AGBL1: variants seen among roughly 807,000 people sequenced by gnomAD.
AGBL1 encodes cytosolic carboxypeptidase 4.
In AGBL1, 130 loss-of-function variants were observed where a neutral mutation model predicts 118.9. The observed-to-expected ratio is 1.09, with a 90% confidence interval of 0.95 to 1.26. AGBL1 has a LOEUF of 1.26. Among genes scored for constraint, AGBL1 ranks in the 50% most tolerant of loss-of-function variants. The pLI is 0.00. For synonymous variants in AGBL1, 555 were observed against 478.9 expected, an observed-to-expected ratio of 1.16 and a Z score of -2.08; for missense variants, 1,584 against 1,298.1, an observed-to-expected ratio of 1.22 and a Z score of -3.38.
At chr15:86,837,846 C>A (rs569431116) in intron 22 of AGBL1, among the ~76,000 whole-genome samples, 1 of 152,176 alleles carries the variant, frequency 6.6e-6, no homozygotes, top group African/African-American at 2.4e-5. Context: ...ACCTTTCTTT[C>A]AGGCTAGTTC....
chr15:86,925,089 G>A (rs1180849947), intron 23 of AGBL1, among the ~76,000 whole-genome samples: 4 of 144,194 alleles, frequency 2.8e-5, no homozygotes, highest in East Asian at 4.1e-4. Context: ...GTGACAGAGT[G>A]AGACTCTGTC....
chr15:86,743,519 A>T (rs1286090788), intron 22 of AGBL1, among the ~76,000 whole-genome samples: 2 of 152,090 alleles, frequency 1.3e-5, no homozygotes, highest in Non-Finnish European at 2.9e-5. Flanking sequence ...GGTTGTGGCC[A>T]TAGTGCATGT....
chr15:86,633,987 G>A (rs2085033940), intron 21 of AGBL1, among the ~76,000 whole-genome samples: 1 of 151,516 alleles, frequency 6.6e-6, no homozygotes, highest in Admixed American at 6.6e-5. Flanking sequence ...AAAAGTGTTT[G>A]GAATGCAAAT....
intron 11 of AGBL1, among the ~76,000 whole-genome samples, chr15:86,265,660 T>C (rs1366080314): frequency 6.6e-6 from 1 of 152,202 alleles, no homozygotes; most frequent in Non-Finnish European, 1.5e-5. Flanking sequence ...CCCTGCACTT[T>C]ATCTGTCATG....
chr15:86,677,663 G>A (rs960869451), intron 22 of AGBL1, among the ~76,000 whole-genome samples: 2 of 152,230 alleles, frequency 1.3e-5, no homozygotes, highest in African/African-American at 4.8e-5. Context: ...TCAGAGCTGT[G>A]CCTCAGCAAT....
intron 22 of AGBL1, among the ~76,000 whole-genome samples, chr15:86,881,222 A>G (rs1209698866): frequency 2.0e-5 from 3 of 152,210 alleles, no homozygotes; most frequent in Non-Finnish European, 4.4e-5. Context: ...CATGGACCCA[A>G]TTCTGGCATA....
intron 23 of AGBL1, among the ~76,000 whole-genome samples, chr15:86,934,023 T>G (rs538985288): frequency 1.3e-5 from 2 of 152,224 alleles, no homozygotes; most frequent in East Asian, 1.9e-4. Context: ...GATTCTATGA[T>G]GAATCTCAGT....
At chr15:86,470,496 G>A (rs568034266) in intron 18 of AGBL1, among the ~76,000 whole-genome samples, 2 of 152,024 alleles carry the variant, frequency 1.3e-5, no homozygotes, top group Admixed American at 1.3e-4. Flanking sequence ...TGTTCTTTAT[G>A]CTCAAGATTG....
chr15:86,921,774 C>T (rs1430306022), intron 23 of AGBL1, among the ~76,000 whole-genome samples: 1 of 152,142 alleles, frequency 6.6e-6, no homozygotes, highest in Non-Finnish European at 1.5e-5. Context: ...GGCATGTCCA[C>T]CTCTTCTAAT....
At chr15:86,205,374 C>G (rs1334564484) in intron 5 of AGBL1, among the ~76,000 whole-genome samples, 1 of 152,208 alleles carries the variant, frequency 6.6e-6, no homozygotes, top group Non-Finnish European at 1.5e-5. Context: ...ATCTTAGTTG[C>G]TTCCAAGTTC....
At chr15:86,309,219 T>C (rs986411080) in intron 17 of AGBL1, among the ~76,000 whole-genome samples, 1 of 152,240 alleles carries the variant, frequency 6.6e-6, no homozygotes, top group African/African-American at 2.4e-5. Flanking sequence ...TAGTTTGTTG[T>C]CAGTGTATAG....
At chr15:86,422,961 A>G (rs1343012667) in intron 18 of AGBL1, among the ~76,000 whole-genome samples, 2 of 152,200 alleles carry the variant, frequency 1.3e-5, no homozygotes, top group African/African-American at 4.8e-5. Flanking sequence ...TACCAACCAA[A>G]AACAGTCCAG....
chr15:86,492,392 C>A (rs559332313), intron 18 of AGBL1, among the ~76,000 whole-genome samples: 62 of 151,950 alleles, frequency 4.1e-4, no homozygotes, highest in African/African-American at 1.5e-3. Context: ...GAGTTCAAGA[C>A]CAGTGTGGCC....
intron 6 of AGBL1, among the ~76,000 whole-genome samples, chr15:86,246,177 G>A (rs555605562): frequency 2.0e-5 from 3 of 152,312 alleles, no homozygotes; most frequent in Admixed American, 1.3e-4. Context: ...GAGCCACCAC[G>A]CCCGGCCTGT....
chr15:86,558,423 A>G (rs2083766787), intron 21 of AGBL1, among the ~76,000 whole-genome samples: 2 of 152,126 alleles, frequency 1.3e-5, no homozygotes, highest in African/African-American at 4.8e-5. Flanking sequence ...CCAGCTCTAG[A>G]TATCCCTATA....
intron 18 of AGBL1, among the ~76,000 whole-genome samples, chr15:86,418,089 G>A (rs1327109874): frequency 6.6e-6 from 1 of 152,168 alleles, no homozygotes; most frequent in Non-Finnish European, 1.5e-5. Context: ...TTTGGATCTT[G>A]AATCTGCTAT....
rs778417332 is a variant in AGBL1, at chr15:86,224,949, C to T, written c.524C>T (p.Ser175Phe). 2.5e-6 allele frequency: 4 copies of T among 1,613,152 alleles called. No individual in the cohort carries two copies. The highest frequency in any genetic ancestry group is 2.2e-5 in the East Asian group (1 of 44,882). ...ATEVLAALLK[S>F]KSNGRRAVNR... ...GAAGTTTTGGCAGCATTGCTGAAAT[C>T]CAGTAAGCACCTCTTTTGAAGGGTG... Residue 175 changes from serine (S) to phenylalanine (F), a missense_variant and splice_region_variant, in exon 6 of 23, where the codon TCC becomes TTC. By Grantham distance (155) the Ser-to-Phe change is radical (BLOSUM62 -2). Transcript: ENST00000614907.
At chr15:86,859,557 G>A (rs1007383968) in intron 22 of AGBL1, among the ~76,000 whole-genome samples, 1 of 152,112 alleles carries the variant, frequency 6.6e-6, no homozygotes, top group Non-Finnish European at 1.5e-5. Context: ...GGGTTCAAAG[G>A]TTGCTACTAT....
chr15:86,741,990 T>C (rs2077686529), intron 22 of AGBL1, among the ~76,000 whole-genome samples: 2 of 151,982 alleles, frequency 1.3e-5, no homozygotes, highest in South Asian at 4.1e-4. Context: ...TTTTTTTTTT[T>C]TAAACTATGA....
Sources: gnomAD v4.1 joint callset for allele counts (sites outside exome capture counted in the v4.1 genomes callset) on GRCh38, gnomAD v4.1.1 for gene constraint, MANE v1.5 for transcripts, NCBI Gene and HGNC (gene_info 2026-07-23, HGNC 2026-07-21) for gene names.